The following RAP1GDS1 variants were observed in gnomAD, a reference collection of about 807,000 sequenced individuals.
The protein encoded by RAP1GDS1 is Rap1 GTPase-GDP dissociation stimulator 1, also known as RAP1, GTP-GDP dissociation stimulator 1.
In RAP1GDS1, 35 loss-of-function variants were observed where a neutral mutation model predicts 71.1. The observed-to-expected ratio is 0.49, with a 90% CI of 0.38 to 0.65. The LOEUF is 0.65. RAP1GDS1 is among the 30% of genes least tolerant of loss of function. The pLI is 0.00. For missense variants in RAP1GDS1, 663 were observed against 706.1 expected, an observed-to-expected ratio of 0.94 and a Z score of 0.69; for synonymous variants, 229 against 243.1, an observed-to-expected ratio of 0.94 and a Z score of 0.54.
At chr4:98,436,755 C>T (rs1033476535) in intron 13 of RAP1GDS1, among the ~76,000 whole-genome samples, 185 bp from the exon 14 acceptor site, 6 of 152,142 alleles carry the variant, frequency 3.9e-5, no homozygotes, top group Non-Finnish European at 4.4e-5. Flanking sequence ...CCTGAAGTGT[C>T]TACTAAAATC....
At chr4:98,393,948 T>C (rs1744126423) in intron 6 of RAP1GDS1, among the ~76,000 whole-genome samples, 1 of 152,166 alleles carries the variant, frequency 6.6e-6, no homozygotes, top group African/African-American at 2.4e-5. Context: ...TTGCTCTCAT[T>C]ATATTTCTGT....
At chr4:98,330,357 G>A (rs551766688) in intron 2 of RAP1GDS1, among the ~76,000 whole-genome samples, 5 of 152,052 alleles carry the variant, frequency 3.3e-5, no homozygotes, top group East Asian at 1.9e-4. Flanking sequence ...ACGGGGTGGC[G>A]GCCGGGCAGA....
chr4:98,420,028 A>C lies in RAP1GDS1; in HGVS notation c.1184A>C (p.Lys395Thr). Residue 395 changes from lysine (K) to threonine (T), a missense_variant, in exon 11 of 15, where the codon AAA becomes ACA. By Grantham distance (78) the Lys-to-Thr change is moderately conservative. Transcript: ENST00000408927. ...LRNLAIPVIN[K>T]AKMLSAGVTE... ...CTCTCTTTTTCTCCAGTTATAAATAAAGCAAAGATGTTATCAGCTGGGGTC... is the reference window on the plus strand; with the variant it reads ...CTCTCTTTTTCTCCAGTTATAAATACAGCAAAGATGTTATCAGCTGGGGTC... 1 of 1,597,268 alleles carries C rather than the reference A, an allele frequency of 6.3e-7. No individual in the cohort carries two copies.
chr4:98,306,500 A>G (rs561875371), intron 2 of RAP1GDS1, among the ~76,000 whole-genome samples: 1 of 152,328 alleles, frequency 6.6e-6, no homozygotes, highest in Admixed American at 6.5e-5. Flanking sequence ...GTTTTAATAC[A>G]TGACTTTTGG....
At chr4:98,295,304 T>C (rs1727576573) in intron 2 of RAP1GDS1, among the ~76,000 whole-genome samples, 1 of 152,040 alleles carries the variant, frequency 6.6e-6, no homozygotes, top group Non-Finnish European at 1.5e-5. Context: ...ATTAAAACAA[T>C]AAACTCTCAC....
chr4:98,309,338 A>G (rs1729854979), intron 2 of RAP1GDS1, among the ~76,000 whole-genome samples: 1 of 152,054 alleles, frequency 6.6e-6, no homozygotes, highest in Non-Finnish European at 1.5e-5. Context: ...TTTATCCATT[A>G]TGTTAAATTG....
At chr4:98,261,590 C>A in intron 1 of RAP1GDS1, 21 bp downstream of exon 1, 1 of 1,598,328 alleles carries the variant, frequency 6.3e-7, no homozygotes, top group Non-Finnish European at 8.5e-7. Flanking sequence ...CTTCCTCCGC[C>A]GTCATCGCCT....
At position 98,406,496 on chromosome 4, in the gene RAP1GDS1, C is replaced by G. The variant is rs57012386; in HGVS notation, c.763+1894C>G. Among the ~76,000 whole-genome samples the G allele has an allele frequency of 3.8e-3, 582 of 151,784 alleles. 6 individuals are homozygous for G. The highest frequency in any genetic ancestry group is 0.013 in the African/African-American group (557 of 41,452). On this transcript the variant is annotated intron_variant, in intron 7 of 14. Transcript: ENST00000408927. ...CCAATTTACCTAGAAAAAAAATAAC[C>G]GTTATACATTATCCCAAAACATACG...
rs543575261 is a variant in RAP1GDS1, at chr4:98,273,038, G to A, written c.4+11469G>A. On this transcript the variant is annotated intron_variant, in intron 1 of 14. Transcript: ENST00000408927. ...GCAACTTCTCGTGTAGTTGTAAGAG[G>A]ATCAGCTTTGATGATTGCTCTCAAT... is the stretch of plus-strand genomic sequence containing the variant. Among the ~76,000 whole-genome samples the A allele has an allele frequency of 1.1e-3, 171 of 152,170 alleles. 1 individual carries two copies. The South Asian group carries it at 0.017, about 16-fold the overall frequency.
At chr4:98,349,876 T>C (rs950983865) in intron 3 of RAP1GDS1, among the ~76,000 whole-genome samples, 2 of 152,196 alleles carry the variant, frequency 1.3e-5, no homozygotes, top group African/African-American at 2.4e-5. Flanking sequence ...ATGATAACTT[T>C]ATGTCTTTAA....
At chr4:98,373,112 C>T (rs1578633010) in intron 4 of RAP1GDS1, among the ~76,000 whole-genome samples, 1 of 152,198 alleles carries the variant, frequency 6.6e-6, no homozygotes, top group African/African-American at 2.4e-5. Context: ...TAGTATACCT[C>T]TAACTGAAAA....
chr4:98,435,581 A>G (rs890947806), intron 13 of RAP1GDS1, among the ~76,000 whole-genome samples: 6 of 152,166 alleles, frequency 3.9e-5, no homozygotes, highest in African/African-American at 1.2e-4. Flanking sequence ...TCTCTCAGGG[A>G]TGGCAGAAGA....
chr4:98,402,244 G>T (rs1398453550), intron 6 of RAP1GDS1, among the ~76,000 whole-genome samples: 1 of 151,994 alleles, frequency 6.6e-6, no homozygotes, highest in Non-Finnish European at 1.5e-5. Flanking sequence ...GCTAATTTTT[G>T]TATTTTTAGT....
intron 4 of RAP1GDS1, among the ~76,000 whole-genome samples, chr4:98,373,705 T>C (rs956844833): frequency 6.6e-6 from 1 of 152,204 alleles, no homozygotes; most frequent in Non-Finnish European, 1.5e-5. Context: ...ATATCATGTC[T>C]TTTTAAATAT....
chr4:98,386,037 G>C (rs1560938729), intron 5 of RAP1GDS1, among the ~76,000 whole-genome samples: 1 of 150,972 alleles, frequency 6.6e-6, no homozygotes, highest in African/African-American at 2.4e-5. Flanking sequence ...TTAAGCAACA[G>C]CTGGCAGTAG....
chr4:98,417,780 C>T (rs1258091848), intron 9 of RAP1GDS1, among the ~76,000 whole-genome samples: 4 of 152,162 alleles, frequency 2.6e-5, no homozygotes, highest in African/African-American at 9.6e-5. Flanking sequence ...TTCTAGTATA[C>T]ATCTGCTTTC....
At chr4:98,282,793 G>T (rs1195985911) in intron 1 of RAP1GDS1, among the ~76,000 whole-genome samples, 1 of 152,114 alleles carries the variant, frequency 6.6e-6, no homozygotes, top group Non-Finnish European at 1.5e-5. Context: ...TGCTTTAAAT[G>T]TGTCCCAGAG....
chr4:98,342,199 CTT>C (rs1316668401), intron 2 of RAP1GDS1, among the ~76,000 whole-genome samples: 1 of 152,110 alleles, frequency 6.6e-6, no homozygotes, highest in Non-Finnish European at 1.5e-5. Context: ...TTTTCCTCCT[CTT>C]TACTGATCAC....
At chr4:98,323,069 A>G (rs925795808) in intron 2 of RAP1GDS1, among the ~76,000 whole-genome samples, 6,768 of 151,734 alleles carry the variant, frequency 0.045, 372 homozygotes, top group African/African-American at 0.13. Flanking sequence ...AGTAGACACA[A>G]TAAAAAATGA....
Sources: allele counts gnomAD v4.1 joint callset (sites outside exome capture counted in the v4.1 genomes callset), GRCh38; gene constraint gnomAD v4.1.1; transcripts MANE v1.5; gene names NCBI Gene and HGNC (gene_info 2026-07-23, HGNC 2026-07-21).